ASH1L: variants seen among roughly 807,000 people sequenced by gnomAD.
ASH1L encodes ASH1 like histone lysine methyltransferase.
In ASH1L, 23 loss-of-function variants were observed where a neutral mutation model predicts 269.0. The observed-to-expected ratio is 0.09, with a 90% CI of 0.06 to 0.12. The LOEUF (loss-of-function observed/expected upper bound fraction) is 0.12, where lower values mean the gene tolerates loss of function less well. Ranked by LOEUF, ASH1L falls within the 10% of genes least tolerant of loss-of-function variation. The pLI, the probability that ASH1L is intolerant of heterozygous loss-of-function variation, is 1.00. For missense variants in ASH1L, 2,912 were observed against 3,567.8 expected (o/e 0.82, Z 4.68); for synonymous variants, 1,187 against 1,253.5 (o/e 0.95, Z 1.12).
rs188765843 is a variant in ASH1L at position 155,420,586 on chromosome 1, C to T, written c.5829-4663G>A. On this transcript the variant is annotated intron_variant, in intron 5 of 27. Coordinates refer to ENST00000392403, the MANE Select transcript of ASH1L (RefSeq NM_018489.3). ...AAAAAAAAGGCCAGGTGTGGTGGCT[C>T]ATGCCTGTAATCCCAGCACTTTGGG... Among the ~76,000 whole-genome samples the T allele has an allele frequency of 4.4e-3, 667 of 150,728 alleles. 6 individuals are homozygous for T. Among genetic ancestry groups the T allele is most frequent in the South Asian group, 0.041 (194 of 4,774 alleles).
rs936802333 is a variant in ASH1L, at chr1:155,546,702, G to A, written c.-100+15451C>T. Among the ~76,000 whole-genome samples, 21 of 151,574 alleles carry A rather than the reference G, an allele frequency of 1.4e-4. No individual in the cohort carries two copies. In the East Asian group the frequency reaches 3.4e-3, roughly 24 times the overall value. The stretch of plus-strand genomic sequence containing the variant: ...GAACTCGGGGGGCAGAGGTTGCAGT[G>A]AGCTGAGATCACGCCACTACACTCC... On this transcript the variant is annotated intron_variant, in intron 1 of 27. Coordinates refer to ENST00000392403, the MANE Select transcript of ASH1L (RefSeq NM_018489.3).
rs1418989448 is a variant in ASH1L, at chr1:155,346,486, A to G, written c.7804-17T>C. ...CTGCCATACCTGTAGAAAAACATACAGTTTGGGGAACATGGAGGCTATGAC... is the reference window on the plus strand; with the variant it reads ...CTGCCATACCTGTAGAAAAACATACGGTTTGGGGAACATGGAGGCTATGAC... On this transcript the variant is annotated splice_polypyrimidine_tract_variant and intron_variant, in intron 20 of 27. Coordinates refer to ENST00000392403, the MANE Select transcript of ASH1L (RefSeq NM_018489.3). 6.2e-7 allele frequency: 1 copy of G among 1,608,636 alleles called. No individual in the cohort carries two copies. The highest frequency in any genetic ancestry group is 1.3e-5 in the African/African-American group (1 of 74,780).
chr1:155,515,121 G>A (rs894735723), intron 2 of ASH1L, among the ~76,000 whole-genome samples: 13 of 152,078 alleles, frequency 8.5e-5, no homozygotes, highest in African/African-American at 2.7e-4. Context: ...TGAGACGTAT[G>A]CTCAGCAAAT....
intron 5 of ASH1L, among the ~76,000 whole-genome samples, chr1:155,429,511 G>A (rs752931759): frequency 3.3e-5 from 5 of 152,210 alleles, no homozygotes; most frequent in South Asian, 2.1e-4. Context: ...CGATCCACAC[G>A]CCTCGGCTTC....
At chr1:155,557,110 A>C (rs1380292560) in intron 1 of ASH1L, among the ~76,000 whole-genome samples, 2 of 152,180 alleles carry the variant, frequency 1.3e-5, no homozygotes, top group African/African-American at 4.8e-5. Flanking sequence ...AGGGCAAATG[A>C]CTAAAGACTA....
chr1:155,551,245 G>GACTAACTATCCA lies in ASH1L; in HGVS notation c.-100+10907_-100+10908insTGGATAGTTAGT, dbSNP rs1235451073. 4.7e-3 allele frequency among the ~76,000 whole-genome samples: 718 copies of GACTAACTATCCA among 152,208 alleles called. 7 individuals carry two copies. The highest frequency in any genetic ancestry group is 0.017 in the African/African-American group (701 of 41,518). On this transcript the variant is annotated intron_variant, in intron 1 of 27. Transcript: ENST00000392403. ...GACTAACTATCCAATGGAATGCCTGGATGAAACATAGGCACACAGTATCTT... is the reference window on the plus strand; with the variant it reads ...GACTAACTATCCAATGGAATGCCTGGACTAACTATCCAATGAAACATAGGCACACAGTATCTT...
chr1:155,484,928 C>CAAAAAAAA (rs761331437), intron 2 of ASH1L, among the ~76,000 whole-genome samples: 1 of 82,800 alleles, frequency 1.2e-5, no homozygotes, highest in Non-Finnish European at 2.2e-5. Context: ...TGCTCTGTCT[C>CAAAAAAAA]AAAAAAAAAA....
intron 6 of ASH1L, among the ~76,000 whole-genome samples, chr1:155,398,537 A>T (rs1177249471): frequency 6.6e-6 from 1 of 152,192 alleles, no homozygotes; most frequent in Non-Finnish European, 1.5e-5. Context: ...TATAGTATAG[A>T]GTACTTACCA....
intron 2 of ASH1L, among the ~76,000 whole-genome samples, chr1:155,514,957 C>T (rs373344318): frequency 1.3e-5 from 2 of 152,060 alleles, no homozygotes; most frequent in East Asian, 1.9e-4. Context: ...ATATCACAAC[C>T]GGCAACAACC....
chr1:155,372,539 C>T (rs547251132), intron 10 of ASH1L, among the ~76,000 whole-genome samples: 3 of 151,970 alleles, frequency 2.0e-5, no homozygotes, highest in African/African-American at 7.2e-5. Context: ...GAACTCCTGG[C>T]CTCAAGTGAT....
At chr1:155,520,971 CACAAAA>C in intron 2 of ASH1L, 123 bp downstream of exon 2, 1 of 1,029,962 alleles carries the variant, frequency 9.7e-7, no homozygotes, top group Non-Finnish European at 1.4e-6. Context: ...TTTTAAGGCT[CACAAAA>C]ACAAACTATC....
chr1:155,544,935 G>A (rs537234348), intron 1 of ASH1L, among the ~76,000 whole-genome samples: 2 of 151,774 alleles, frequency 1.3e-5, no homozygotes, highest in South Asian at 4.2e-4. Context: ...CACTTTGGGA[G>A]GCTGAGGCGG....
chr1:155,416,003 ACCATAGC>A, intron 5 of ASH1L, 80 bp from the exon 6 acceptor site: 1 of 1,193,388 alleles, frequency 8.4e-7, no homozygotes, highest in South Asian at 1.9e-5. Flanking sequence ...AAAAAAAAAA[ACCATAGC>A]AATTAAAAAA....
chr1:155,498,044 G>A (rs1033360963), intron 2 of ASH1L, among the ~76,000 whole-genome samples: 3 of 152,102 alleles, frequency 2.0e-5, no homozygotes, highest in Admixed American at 6.6e-5. Context: ...GAGCCACCAC[G>A]CCCGGCCAAA....
chr1:155,527,836 G>A (rs1001876214), intron 1 of ASH1L, among the ~76,000 whole-genome samples: 75 of 151,910 alleles, frequency 4.9e-4, no homozygotes, highest in Admixed American at 5.3e-4. Flanking sequence ...ATGAGTCACC[G>A]TGCCCAGCTC....
At chr1:155,526,102 T>C (rs1429675123) in intron 1 of ASH1L, among the ~76,000 whole-genome samples, 2 of 152,190 alleles carry the variant, frequency 1.3e-5, no homozygotes, top group African/African-American at 4.8e-5. Flanking sequence ...AGGCCAACTG[T>C]ATAATTAAAA....
chr1:155,433,704 T>C lies in ASH1L; in HGVS notation c.5828+4623A>G, dbSNP rs147337601. On this transcript the variant is annotated intron_variant, in intron 5 of 27. Transcript: ENST00000392403. ...GTGGGGCTCACCCTGGGGGTTCTAT[T>C]TGGGAAGGTGTTCAGCCAAACGACC... 2.0e-3 allele frequency: 3,189 copies of C among 1,600,152 alleles called. 61 individuals carry two copies. In the African/African-American group the frequency reaches 0.038, roughly 19 times the overall value.
At position 155,424,477 on chromosome 1, in the gene ASH1L, G is replaced by A. The variant is rs999945256; in HGVS notation, c.5829-8554C>T. Among the ~76,000 whole-genome samples, 4 of 151,686 alleles carry A rather than the reference G, an allele frequency of 2.6e-5. No individual in the cohort carries two copies. The South Asian group carries it at 8.3e-4, about 32-fold the overall frequency. ...CGCTGGAGTGAGATGGTGCGATCTC[G>A]GCTCACTGCAACCTCCGCCTCCTGG... On this transcript the variant is annotated intron_variant, in intron 5 of 27. Transcript: ENST00000392403.
At chr1:155,501,604 C>T (rs1570997289) in intron 2 of ASH1L, among the ~76,000 whole-genome samples, 1 of 152,284 alleles carries the variant, frequency 6.6e-6, no homozygotes, top group South Asian at 2.1e-4. Flanking sequence ...CTCCTGACCG[C>T]GGGTGATCTG....
Sources: gnomAD v4.1 joint callset for allele counts (sites outside exome capture counted in the v4.1 genomes callset) on GRCh38, gnomAD v4.1.1 for gene constraint, MANE v1.5 for transcripts, NCBI Gene and HGNC (gene_info 2026-07-23, HGNC 2026-07-21) for gene names.